FAM135A: variants seen among roughly 807,000 people sequenced by gnomAD.
The protein encoded by FAM135A is protein FAM135A.
A neutral mutation model predicts 146.8 loss-of-function variants in FAM135A; 79 were observed. The ratio of observed to expected loss-of-function variants is 0.54; its 90% CI spans 0.45 to 0.65. The LOEUF is 0.65. FAM135A is among the 30% of genes least tolerant of loss of function. The pLI, the probability that FAM135A is intolerant of heterozygous loss-of-function variation, is 0.00. For missense variants in FAM135A, 1,623 were observed against 1,758.2 expected (o/e 0.92, Z 1.38); for synonymous variants, 562 against 603.6 (o/e 0.93, Z 1.01).
intron 12 of FAM135A, among the ~76,000 whole-genome samples, chr6:70,516,779 C>T (rs902392621): frequency 2.2e-4 from 33 of 152,080 alleles, no homozygotes; most frequent in African/African-American, 8.0e-4. Flanking sequence ...TTGTGATCCG[C>T]CCATCTCGGC....
intron 4 of FAM135A, among the ~76,000 whole-genome samples, chr6:70,451,143 C>T (rs767313259): frequency 3.9e-5 from 6 of 151,980 alleles, no homozygotes; most frequent in Non-Finnish European, 8.8e-5. Context: ...AAAAATGATG[C>T]CAGATAAATG....
chr6:70,536,252 T>C lies in FAM135A; in HGVS notation c.3966-8T>C, dbSNP rs764333664. The C allele has an allele frequency of 6.3e-7, 1 of 1,597,424 alleles. No homozygotes were observed. The highest frequency in any genetic ancestry group is 8.5e-7 in the Non-Finnish European group (1 of 1,174,880). On this transcript the variant is annotated splice_polypyrimidine_tract_variant and splice_region_variant and intron_variant, in intron 18 of 21. Transcript: ENST00000418814. ...TGTGAGAAAATTAATTTTTTTTTCCTCTTAAAGCTTTATTGGACATTCGTT... is the reference window on the plus strand; with the variant it reads ...TGTGAGAAAATTAATTTTTTTTTCCCCTTAAAGCTTTATTGGACATTCGTT...
At chr6:70,472,279 TGAG>T (rs1382471205) in intron 5 of FAM135A, among the ~76,000 whole-genome samples, 8 of 152,190 alleles carry the variant, frequency 5.3e-5, no homozygotes, top group Non-Finnish European at 1.0e-4. Flanking sequence ...TTACTTTCAT[TGAG>T]GAGAATTTCT....
At chr6:70,520,099 T>A (rs1221608493) in intron 12 of FAM135A, among the ~76,000 whole-genome samples, 1 of 152,144 alleles carries the variant, frequency 6.6e-6, no homozygotes, top group Non-Finnish European at 1.5e-5. Context: ...GGACGGATAT[T>A]TCTTCATCAC....
intron 4 of FAM135A, among the ~76,000 whole-genome samples, chr6:70,438,775 T>C (rs1159120492): frequency 1.3e-5 from 2 of 152,154 alleles, no homozygotes; most frequent in Admixed American, 6.5e-5. Flanking sequence ...ATCTGTGACG[T>C]TGTGAAGAAG....
intron 4 of FAM135A, among the ~76,000 whole-genome samples, chr6:70,431,987 C>G (rs34798144): frequency 0.12 from 18,889 of 151,844 alleles, 1,615 homozygotes; most frequent in Middle Eastern, 0.22. Context: ...CCAAGTAAAA[C>G]AGTGTTACTC....
chr6:70,431,618 T>C (rs75734450), intron 4 of FAM135A, among the ~76,000 whole-genome samples: 2,123 of 152,284 alleles, frequency 0.014, 19 homozygotes, highest in Middle Eastern at 0.02. Flanking sequence ...CACTTCTTAA[T>C]GGGAGTCACA....
At chr6:70,443,020 C>G (rs1774913819) in intron 4 of FAM135A, among the ~76,000 whole-genome samples, 1 of 152,200 alleles carries the variant, frequency 6.6e-6, no homozygotes, top group African/African-American at 2.4e-5. Flanking sequence ...CATATATCAT[C>G]TAATATTTTT....
At position 70,528,399 on chromosome 6, in the gene FAM135A, A is replaced by G. The variant is rs1303913600; in HGVS notation, c.3722A>G (p.Glu1241Gly). 1 of 1,613,612 alleles carries G rather than the reference A, an allele frequency of 6.2e-7. No homozygotes were observed. ...GTACCTTATTTTAGTGTAGAAGAAG[A>G]GGATGGTTCTGAAGATGGAGTACAT... ...SSVPYFSVEE[E>G]DGSEDGVHLI... Residue 1241 changes from glutamate (E) to glycine (G), a missense_variant, in exon 16 of 22, where the codon GAG (glutamate) becomes GGG (glycine). Coordinates refer to ENST00000418814, the MANE Select transcript of FAM135A (RefSeq NM_001162529.3).
chr6:70,431,997 CT>C (rs1771768877), intron 4 of FAM135A, among the ~76,000 whole-genome samples: 1 of 151,946 alleles, frequency 6.6e-6, no homozygotes, highest in Admixed American at 6.6e-5. Context: ...CAGTGTTACT[CT>C]TTAGACAAAA....
chr6:70,540,318 CTTTTTT>C (rs1190614826), intron 20 of FAM135A, among the ~76,000 whole-genome samples: 8 of 81,550 alleles, frequency 9.8e-5, no homozygotes, highest in African/African-American at 4.2e-4. Flanking sequence ...ATTCCTGCTA[CTTTTTT>C]TTTTTTTTTT....
intron 16 of FAM135A, among the ~76,000 whole-genome samples, chr6:70,530,018 C>T (rs549783752): frequency 2.6e-3 from 395 of 152,098 alleles, no homozygotes; most frequent in Non-Finnish European, 3.8e-3. Flanking sequence ...GAGCTGAGAT[C>T]GCGCCACTGC....
Position 70,482,134 on chromosome 6 carries a change from C to A in FAM135A, c.803C>A (p.Ser268Tyr). ...ATTACAGTAACAGAAGAGATTCCTTCTTGTCAGAAACTAGAACTGGGTATG... is the reference window on the plus strand; with the variant it reads ...ATTACAGTAACAGAAGAGATTCCTTATTGTCAGAAACTAGAACTGGGTATG... ...YFITVTEEIPSCQKLELEEMD... is the reference protein window; with the variant it reads ...YFITVTEEIPYCQKLELEEMD... Residue 268 changes from serine (S) to tyrosine (Y), a missense_variant, in exon 10 of 22, where the codon TCT becomes TAT. Around this residue, in one of 7 missense-constraint regions of FAM135A, gnomAD observed 206 missense variants for 194.7 expected, o/e 1.06. Transcript: ENST00000418814. 6.2e-7 allele frequency: 1 copy of A among 1,613,454 alleles called. No homozygotes were observed. The highest frequency in any genetic ancestry group is 8.5e-7 in the Non-Finnish European group (1 of 1,179,690).
intron 5 of FAM135A, among the ~76,000 whole-genome samples, chr6:70,453,020 A>G (rs963110387): frequency 6.6e-6 from 1 of 152,150 alleles, no homozygotes; most frequent in African/African-American, 2.4e-5. Flanking sequence ...GTAGGAAGGT[A>G]TGAAATAGAC....
At chr6:70,523,614 GC>G (rs1241395502) in intron 13 of FAM135A, among the ~76,000 whole-genome samples, 3 of 152,072 alleles carry the variant, frequency 2.0e-5, no homozygotes, top group African/African-American at 7.2e-5. Flanking sequence ...TAATTATTAA[GC>G]AGTTAAGCTT....
At chr6:70,505,273 G>A (rs1353554546) in intron 12 of FAM135A, among the ~76,000 whole-genome samples, 1 of 152,074 alleles carries the variant, frequency 6.6e-6, no homozygotes, top group Non-Finnish European at 1.5e-5. Flanking sequence ...GATATTTAAT[G>A]TATGGCCCAT....
chr6:70,529,424 T>G (rs1416471300), intron 16 of FAM135A, among the ~76,000 whole-genome samples: 1 of 150,164 alleles, frequency 6.7e-6, no homozygotes, highest in Non-Finnish European at 1.5e-5. Context: ...GTCATAAAAT[T>G]GGAGATTTTT....
chr6:70,540,132 T>C (rs1797604003), intron 20 of FAM135A, among the ~76,000 whole-genome samples: 1 of 152,220 alleles, frequency 6.6e-6, no homozygotes, highest in Non-Finnish European at 1.5e-5. Context: ...TAATTCATTA[T>C]GCATCACCAT....
Position 70,420,943 on chromosome 6 carries a change from G to T in FAM135A, c.-133-5496G>T, listed in dbSNP as rs530471114. On this transcript the variant is annotated intron_variant, in intron 2 of 21. Coordinates refer to ENST00000418814, the MANE Select transcript of FAM135A (RefSeq NM_001162529.3). ...TGTCGCCCAGGCTGGAGTGTGTGGC[G>T]TGATCTCAGCTCACTGCAGCCTCAA... 3.3e-5 allele frequency among the ~76,000 whole-genome samples: 5 copies of T among 151,482 alleles called. No homozygotes were observed. The East Asian group carries it at 9.8e-4, about 30-fold the overall frequency.
Sources: allele counts gnomAD v4.1 joint callset (sites outside exome capture counted in the v4.1 genomes callset), GRCh38; gene constraint gnomAD v4.1.1; regional missense constraint gnomAD v4.1.1; transcripts MANE v1.5; gene names NCBI Gene and HGNC (gene_info 2026-07-23, HGNC 2026-07-21).